Variants in CMKLR1 observed in about 807,000 individuals in gnomAD.
CMKLR1 encodes the protein chemerin chemokine-like receptor 1, also known as chemerin-like receptor 1.
In CMKLR1, 6 loss-of-function variants were observed where a neutral mutation model predicts 8.2. The observed-to-expected ratio is 0.73, with a 90% CI of 0.40 to 1.44. The LOEUF is 1.44. CMKLR1 is among the 40% of genes most tolerant of loss of function. The pLI is 0.02. For missense variants in CMKLR1, 429 were observed against 478.0 expected (o/e 0.90, Z 0.96); for synonymous variants, 178 against 181.2 (o/e 0.98, Z 0.14).
chr12:108,301,877 C>T (rs1045253105), intron 2 of CMKLR1, among the ~76,000 whole-genome samples: 4 of 152,100 alleles, frequency 2.6e-5, no homozygotes, highest in African/African-American at 7.2e-5. Flanking sequence ...CATGTGGGAG[C>T]CCAGATCCCA....
At chr12:108,327,662 C>T (rs1892010140) in intron 2 of CMKLR1, among the ~76,000 whole-genome samples, 1 of 152,208 alleles carries the variant, frequency 6.6e-6, no homozygotes, top group Non-Finnish European at 1.5e-5. Context: ...CTGTTGTGAT[C>T]AGCCAAGAGG....
chr12:108,292,201 C>T lies in CMKLR1; in HGVS notation c.762G>A (p.Lys254=), dbSNP rs1252694439. The T allele has an allele frequency of 7.4e-6, 12 of 1,614,032 alleles. No individual in the cohort carries two copies. Among genetic ancestry groups the T allele is most frequent in the South Asian group, 1.1e-5 (1 of 91,064 alleles). The change falls in exon 4 of 4, where the codon AAG becomes AAA. Residue 254 remains lysine, a synonymous_variant. Transcript: ENST00000550402. Reference sequence around the variant, plus strand: ...CAATAATCTTGAAGGGCTTCTTGGTCTTGGCCAGGCGGTTGCGCTGCAGTT... The same window carrying T: ...CAATAATCTTGAAGGGCTTCTTGGTTTTGGCCAGGCGGTTGCGCTGCAGTT... ...VCKLQRNRLA[K]TKKPFKIIVT... is the part of the protein sequence containing the mutation.
In CMKLR1 at chr12:108,292,538, A is replaced by G. The variant is rs781618608; in HGVS notation, c.425T>C (p.Leu142Pro). The change falls in exon 4 of 4, where the codon CTC (leucine) becomes CCC (proline). Residue 142 changes from leucine to proline, a missense_variant. Physicochemically the swap from Leu to Pro is moderately conservative, Grantham distance 98. Transcript: ENST00000550402. ...IISSDRCISV[L>P]LPVWSQNHRS... ...GTGGTTCTGGGACCAGACAGGGAGG[A>G]GCACAGAGATGCAGCGGTCAGAGCT... The G allele has an allele frequency of 5.0e-6, 8 of 1,614,184 alleles. No individual in the cohort carries two copies. The highest frequency in any genetic ancestry group is 3.3e-5 in the South Asian group (3 of 91,072).
chr12:108,305,686 G>A (rs1199245724), intron 2 of CMKLR1, among the ~76,000 whole-genome samples: 5 of 152,186 alleles, frequency 3.3e-5, no homozygotes, highest in African/African-American at 1.2e-4. Context: ...CACAGGCCTG[G>A]CTGCCAGCCC....
intron 2 of CMKLR1, among the ~76,000 whole-genome samples, chr12:108,300,496 TGC>T (rs1491058472): frequency 5.3e-5 from 8 of 152,082 alleles, no homozygotes; most frequent in African/African-American, 1.4e-4. Flanking sequence ...AATGAATGAA[TGC>T]TTGTTTTTCT....
At chr12:108,328,675 T>TA (rs1892038577) in intron 2 of CMKLR1, among the ~76,000 whole-genome samples, 1 of 152,098 alleles carries the variant, frequency 6.6e-6, no homozygotes, top group Admixed American at 6.5e-5. Flanking sequence ...GAGTCTGTCA[T>TA]AAAAAAGACT....
chr12:108,313,461 C>T (rs1230499730), intron 2 of CMKLR1, among the ~76,000 whole-genome samples: 5 of 152,134 alleles, frequency 3.3e-5, no homozygotes, highest in Non-Finnish European at 5.9e-5. Context: ...CATGTGAATC[C>T]CAGCTTGGCC....
rs1213959699 is a variant in CMKLR1, at chr12:108,288,509, T to G, written c.*3332A>C. 6.6e-6 allele frequency: 1 copy of G among 152,234 alleles called. No homozygotes were observed. The highest frequency in any genetic ancestry group is 6.5e-5 in the Admixed American group (1 of 15,274). 9.4% of individuals were successfully genotyped at this position (152,234 alleles called of 1,614,324 possible). On this transcript the variant is annotated 3_prime_UTR_variant, in exon 4 of 4. Coordinates refer to ENST00000550402, the MANE Select transcript of CMKLR1 (RefSeq NM_001142343.2). ...TGGGGTCGAATTTGAGCCAATCCCC[T>G]CCCTTTGTCAGTGCCCAGTTTCCTC...
chr12:108,303,627 C>T (rs1593163251), intron 2 of CMKLR1, among the ~76,000 whole-genome samples: 1 of 152,226 alleles, frequency 6.6e-6, no homozygotes, highest in South Asian at 2.1e-4. Flanking sequence ...CACTCTCTGT[C>T]CACTGCTTCG....
At chr12:108,338,782 A>C (rs1407872460) in intron 1 of CMKLR1, among the ~76,000 whole-genome samples, 1 of 152,226 alleles carries the variant, frequency 6.6e-6, no homozygotes, top group Non-Finnish European at 1.5e-5. Flanking sequence ...AAAAGTTCAC[A>C]ATCTGTGGTT....
Position 108,291,679 on chromosome 12 carries a change from G to C in CMKLR1, c.*162C>G. The C allele has an allele frequency of 2.8e-6, 2 of 723,356 alleles. No individual in the cohort carries two copies. Among genetic ancestry groups the C allele is most frequent in the Non-Finnish European group, 4.7e-6 (2 of 427,342 alleles). The allele number at this position is 723,356 out of a possible 1,614,324, so 44.8% of individuals were successfully genotyped here. A position where few individuals can be genotyped will look rare whatever the true frequency, so the allele number is the denominator to read the frequency against. On this transcript the variant is annotated 3_prime_UTR_variant, in exon 4 of 4. Transcript: ENST00000550402. ...GCATGTTCTGTCCACTAGAAGAAAG[G>C]GGTTCCAGGCCCTAGATTCCCAGCA...
intron 1 of CMKLR1, among the ~76,000 whole-genome samples, chr12:108,333,788 A>G (rs569492649): frequency 2.6e-5 from 4 of 152,376 alleles, no homozygotes; most frequent in Non-Finnish European, 5.9e-5. Context: ...AGCACCACGT[A>G]GAATTACTGC....
At chr12:108,313,244 G>C (rs1891630623) in intron 2 of CMKLR1, among the ~76,000 whole-genome samples, 1 of 152,162 alleles carries the variant, frequency 6.6e-6, no homozygotes, top group Admixed American at 6.5e-5. Context: ...GAGGGGTCTT[G>C]CTGGAAAAAT....
intron 2 of CMKLR1, among the ~76,000 whole-genome samples, chr12:108,301,884 C>A (rs1223601007): frequency 1.3e-5 from 2 of 152,128 alleles, no homozygotes; most frequent in Non-Finnish European, 2.9e-5. Flanking sequence ...GAGCCCAGAT[C>A]CCACCATTAT....
chr12:108,291,408 A>G lies in CMKLR1; in HGVS notation c.*433T>C, dbSNP rs928348228. 1 of 166,836 alleles carries G rather than the reference A, an allele frequency of 6.0e-6. No individual in the cohort carries two copies. The highest frequency in any genetic ancestry group is 2.4e-5 in the African/African-American group (1 of 41,602). 10.3% of individuals were successfully genotyped at this position (166,836 alleles called of 1,614,324 possible). A position where few individuals can be genotyped will look rare whatever the true frequency, so the allele number is the denominator to read the frequency against. ...TTCTGGCCAGCTACTGATAATATAT[A>G]TACAAGGGCCAAGTGTGATCTGCAT... On this transcript the variant is annotated 3_prime_UTR_variant, in exon 4 of 4. Transcript: ENST00000550402.
At chr12:108,338,086 G>A (rs908185567) in intron 1 of CMKLR1, among the ~76,000 whole-genome samples, 4 of 152,224 alleles carry the variant, frequency 2.6e-5, no homozygotes, top group Non-Finnish European at 5.9e-5. Flanking sequence ...ACAGGTCTGA[G>A]TGATTGGGCT....
chr12:108,336,832 C>A (rs140628669), intron 1 of CMKLR1, among the ~76,000 whole-genome samples: 1 of 152,334 alleles, frequency 6.6e-6, no homozygotes, highest in Non-Finnish European at 1.5e-5. Context: ...ATCATCAGAA[C>A]AATAGCTAAT....
intron 2 of CMKLR1, among the ~76,000 whole-genome samples, chr12:108,313,373 A>G (rs1436924109): frequency 6.6e-6 from 1 of 152,048 alleles, no homozygotes; most frequent in African/African-American, 2.4e-5. Context: ...AAGGGGTCTC[A>G]CACCCTCATC....
At chr12:108,312,365 C>T (rs1169748918) in intron 2 of CMKLR1, among the ~76,000 whole-genome samples, 1 of 152,192 alleles carries the variant, frequency 6.6e-6, no homozygotes, top group African/African-American at 2.4e-5. Context: ...GGCAGCATTC[C>T]TTCCTCTCCC....
Sources: allele counts gnomAD v4.1 joint callset (sites outside exome capture counted in the v4.1 genomes callset), GRCh38; gene constraint gnomAD v4.1.1; transcripts MANE v1.5; gene names NCBI Gene and HGNC (gene_info 2026-07-23, HGNC 2026-07-21).